Variants in SLC1A2 observed in about 807,000 individuals in gnomAD.
SLC1A2 encodes the protein excitatory amino acid transporter 2.
SLC1A2 carries 15 observed loss-of-function variants against 48.8 expected under a neutral mutation model. The observed-to-expected ratio is 0.31, with a 90% CI of 0.21 to 0.47. The LOEUF (loss-of-function observed/expected upper bound fraction) is 0.47. Among genes scored for constraint, SLC1A2 ranks in the 20% least tolerant of loss-of-function variants. The pLI, the probability that SLC1A2 is intolerant of heterozygous loss-of-function variation, is 0.99. For synonymous variants in SLC1A2, 279 were observed against 272.6 expected (o/e 1.02, Z -0.23); for missense variants, 502 against 730.5 (o/e 0.69, Z 3.61).
chr11:35,403,899 T>C, intron 1 of SLC1A2, among the ~76,000 whole-genome samples: 1 of 152,228 alleles, frequency 6.6e-6, no homozygotes, highest in African/African-American at 2.4e-5. Context: ...AGGGAACATC[T>C]TCATCTTGCT....
intron 9 of SLC1A2, among the ~76,000 whole-genome samples, chr11:35,276,616 T>C (rs1850449933): frequency 6.6e-6 from 1 of 152,116 alleles, no homozygotes; most frequent in African/African-American, 2.4e-5. Flanking sequence ...AGGTCAGAAG[T>C]AGGCAGGGTT....
intron 1 of SLC1A2, among the ~76,000 whole-genome samples, chr11:35,403,168 T>A (rs1198376178): frequency 6.6e-6 from 1 of 152,236 alleles, no homozygotes; most frequent in Admixed American, 6.5e-5. Flanking sequence ...CCTGCTTTCA[T>A]CCATTCCAAA....
At chr11:35,263,073 T>A (rs1950418438) in intron 10 of SLC1A2, among the ~76,000 whole-genome samples, 1 of 152,148 alleles carries the variant, frequency 6.6e-6, no homozygotes, top group Non-Finnish European at 1.5e-5. Context: ...GTCACAGTAG[T>A]ATAACTGGGG....
intron 2 of SLC1A2, chr11:35,316,438 G>A (rs1386555476): frequency 1.3e-5 from 2 of 152,214 alleles, no homozygotes; most frequent in Non-Finnish European, 2.9e-5. Context: ...TGAATTAGAT[G>A]TGGTTACATG....
chr11:35,297,409 C>G (rs111981053), intron 6 of SLC1A2, among the ~76,000 whole-genome samples: 3,665 of 152,242 alleles, frequency 0.024, 148 homozygotes, highest in African/African-American at 0.083. Context: ...CTCTCTCCCC[C>G]ACTCCAAAAT....
intron 1 of SLC1A2, among the ~76,000 whole-genome samples, chr11:35,320,425 G>C (rs1439768930): frequency 1.3e-5 from 2 of 152,176 alleles, no homozygotes; most frequent in African/African-American, 2.4e-5. Flanking sequence ...GGAGTCTATG[G>C]GAAATCATAA....
At chr11:35,278,626 C>CCCTGTCTCTACTAAAAATACAAAAAT (rs1347111981) in intron 9 of SLC1A2, among the ~76,000 whole-genome samples, 1 of 152,154 alleles carries the variant, frequency 6.6e-6, no homozygotes, top group African/African-American at 2.4e-5. Context: ...AGGCTTCTTT[C>CCCTGTCTCTACTAAAAATACAAAAAT]TAGCCTTCCC....
At chr11:35,368,540 AAAGT>A (rs1424937080) in intron 1 of SLC1A2, among the ~76,000 whole-genome samples, 1 of 152,226 alleles carries the variant, frequency 6.6e-6, no homozygotes, top group African/African-American at 2.4e-5. Flanking sequence ...ACACATAAAG[AAAGT>A]AAGGTCCAGT....
At position 35,338,075 on chromosome 11, in the gene SLC1A2, A is replaced by G. The variant is rs1212789306; in HGVS notation, c.18-20559T>C. Among the ~76,000 whole-genome samples the G allele has an allele frequency of 3.3e-5, 5 of 152,212 alleles. No individual in the cohort carries two copies. The East Asian group carries it at 9.6e-4, about 29-fold the overall frequency. On this transcript the variant is annotated intron_variant, in intron 1 of 10. Coordinates refer to ENST00000278379, the MANE Select transcript of SLC1A2 (RefSeq NM_004171.4). ...GGGACAAGAAGATTGTAGTATCTGC[A>G]TAGATCAGGAGTTGGCAAACTACAG...
chr11:35,379,943 C>T (rs1023566754), intron 1 of SLC1A2, among the ~76,000 whole-genome samples: 1 of 152,174 alleles, frequency 6.6e-6, no homozygotes, highest in Non-Finnish European at 1.5e-5. Context: ...ATTTAATAAA[C>T]TCCATTTAAC....
rs541588541 is a variant in SLC1A2 at position 35,373,804 on chromosome 11, G to A, written c.17+45146C>T. Among the ~76,000 whole-genome samples the A allele has an allele frequency of 9.5e-4, 145 of 152,324 alleles. 1 individual carries two copies. Among genetic ancestry groups the A allele is most frequent in the African/African-American group, 3.4e-3 (141 of 41,556 alleles). On this transcript the variant is annotated intron_variant, in intron 1 of 10. Coordinates refer to ENST00000278379, the MANE Select transcript of SLC1A2 (RefSeq NM_004171.4). ...ATCCCAGAGTCATATACACCAGGAG[G>A]CAGAGGAAACAGAAATCAGATCATG...
Position 35,303,279 on chromosome 11 carries a change from G to A in SLC1A2, c.731-1634C>T, listed in dbSNP as rs528820471. On this transcript the variant is annotated intron_variant, in intron 5 of 10. Coordinates refer to ENST00000278379, the MANE Select transcript of SLC1A2 (RefSeq NM_004171.4). The stretch of plus-strand genomic sequence containing the variant: ...AACCCAGATTGTCTAACTACCCTTT[G>A]CTGGATCCTTTCTATCTTCAGCAAA... 3.9e-5 allele frequency among the ~76,000 whole-genome samples: 6 copies of A among 152,196 alleles called. No individual in the cohort carries two copies. The East Asian group carries it at 1.2e-3, about 29-fold the overall frequency.
intron 1 of SLC1A2, among the ~76,000 whole-genome samples, chr11:35,407,086 T>TAA (rs199551960): frequency 1.6e-4 from 22 of 140,434 alleles, no homozygotes; most frequent in South Asian, 9.1e-4. Flanking sequence ...AGGTAAATCT[T>TAA]AAAAAAAAAA....
chr11:35,329,077 T>A (rs899250136), intron 1 of SLC1A2, among the ~76,000 whole-genome samples: 3 of 151,996 alleles, frequency 2.0e-5, no homozygotes, highest in African/African-American at 7.3e-5. Context: ...TGAAAAGAAA[T>A]GAACTATCTA....
chr11:35,347,116 C>G (rs956219344), intron 1 of SLC1A2, among the ~76,000 whole-genome samples: 1 of 151,982 alleles, frequency 6.6e-6, no homozygotes, highest in African/African-American at 2.4e-5. Context: ...AGAAAACAGA[C>G]AAGAAAAAAG....
At chr11:35,348,019 G>T (rs759596087) in intron 1 of SLC1A2, among the ~76,000 whole-genome samples, 12 of 152,222 alleles carry the variant, frequency 7.9e-5, no homozygotes, top group African/African-American at 1.2e-4. Context: ...CTGAGGCCAA[G>T]CTCCATGTGA....
chr11:35,385,983 T>C (rs536951284), intron 1 of SLC1A2, among the ~76,000 whole-genome samples: 11 of 152,146 alleles, frequency 7.2e-5, no homozygotes, highest in Middle Eastern at 3.4e-3. Context: ...CTGGCTAACA[T>C]GGTGAAACCC....
At chr11:35,286,632 T>C (rs1850829748) in intron 8 of SLC1A2, 125 bp downstream of exon 8, 2 of 668,516 alleles carry the variant, frequency 3.0e-6, no homozygotes, top group Non-Finnish European at 4.8e-6. Context: ...ATAGTTTCTC[T>C]TTTTTTATTA....
intron 10 of SLC1A2, chr11:35,265,027 C>T (rs1396917377): frequency 6.6e-6 from 1 of 152,270 alleles, no homozygotes; most frequent in African/African-American, 2.5e-5. Context: ...CGGCTCAATG[C>T]AAGCTCTGCC....
Sources: allele counts gnomAD v4.1 joint callset (sites outside exome capture counted in the v4.1 genomes callset), GRCh38; gene constraint gnomAD v4.1.1; transcripts MANE v1.5; gene names NCBI Gene and HGNC (gene_info 2026-07-23, HGNC 2026-07-21).